Variants in SEPTIN6 observed in about 807,000 individuals in gnomAD.
The protein encoded by SEPTIN6 is septin-6.
A neutral mutation model predicts 33.6 loss-of-function variants in SEPTIN6; 8 were observed. The observed-to-expected ratio is 0.24, with a 90% confidence interval of 0.14 to 0.43. SEPTIN6 has a LOEUF of 0.43. SEPTIN6 is among the 20% of genes least tolerant of loss of function. The pLI is 1.00. For missense variants in SEPTIN6, 250 were observed against 340.8 expected, an observed-to-expected ratio of 0.73 and a Z score of 2.10; for synonymous variants, 131 against 140.0, an observed-to-expected ratio of 0.94 and a Z score of 0.45.
chrX:119,628,699 G>A (rs948645378), intron 9 of SEPTIN6: 11 of 111,136 alleles, frequency 9.9e-5, no homozygotes, highest in African/African-American at 2.9e-4. Context: ...GTAGAGATGG[G>A]GTTTCACTGT....
intron 10 of SEPTIN6, among the ~76,000 whole-genome samples, chrX:119,622,126 C>T (rs1288042067): frequency 9.0e-6 from 1 of 111,401 alleles, no homozygotes; most frequent in Non-Finnish European, 1.9e-5. Context: ...TTGTCTACTT[C>T]CTAGGGGAAG....
chrX:119,666,233 G>A (rs1325047939), intron 2 of SEPTIN6, among the ~76,000 whole-genome samples: 2 of 111,989 alleles, frequency 1.8e-5, no homozygotes, highest in African/African-American at 6.5e-5. Context: ...CCAACCCAGG[G>A]GGAATGTGAG....
chrX:119,669,147 T>TA (rs1482278773), intron 2 of SEPTIN6, among the ~76,000 whole-genome samples: 2 of 112,973 alleles, frequency 1.8e-5, no homozygotes, highest in African/African-American at 6.4e-5. Flanking sequence ...CACAAACTAG[T>TA]AAGTGGCAGA....
chrX:119,692,956 G>A (rs913565843), intron 1 of SEPTIN6, 120 bp downstream of exon 1: 4 of 732,146 alleles, frequency 5.5e-6, no homozygotes, highest in Admixed American at 2.7e-5. Context: ...AAGTCCCACC[G>A]TGCCCTTGGC....
chrX:119,663,473 C>CCAAA lies in SEPTIN6; in HGVS notation c.341+8_341+9insTTTG. On this transcript the variant is annotated intron_variant, in intron 3 of 10. Coordinates refer to ENST00000394610, the MANE Select transcript of SEPTIN6 (RefSeq NM_145799.4). ...TCCCCACCCTACCCCACCCCACCGC[C>CCAAA]TTCTTTACCTGTCCTCTTTGTTGAT... 8.6e-7 allele frequency: 1 copy of CCAAA among 1,159,561 alleles called. No individual in the cohort carries two copies.
At chrX:119,643,529 T>C (rs964258257) in intron 5 of SEPTIN6, among the ~76,000 whole-genome samples, 1 of 110,132 alleles carries the variant, frequency 9.1e-6, no homozygotes, top group South Asian at 3.8e-4. Flanking sequence ...CTCAAACTGC[T>C]GTCATTTTAT....
chrX:119,616,920 A>T (rs190551757), downstream of SEPTIN6: 98 of 1,074,098 alleles, frequency 9.1e-5, no homozygotes, highest in African/African-American at 1.7e-3. Context: ...TCTGCTGAGA[A>T]GGTTTTAAGA....
chrX:119,634,014 G>T lies in SEPTIN6; in HGVS notation c.957-522C>A, dbSNP rs780341441. Among the ~76,000 whole-genome samples, 43 of 112,074 alleles carry T rather than the reference G, an allele frequency of 3.8e-4. 1 individual carries two copies. In the South Asian group the frequency reaches 0.016, roughly 41 times the overall value. ...TCTAGAGCCAACAGCCATCATACCTGCCATCAAGGAACTCATGGTCTAGTG... is the reference window on the plus strand; with the variant it reads ...TCTAGAGCCAACAGCCATCATACCTTCCATCAAGGAACTCATGGTCTAGTG... On this transcript the variant is annotated intron_variant, in intron 7 of 10. Coordinates refer to ENST00000394610, the MANE Select transcript of SEPTIN6 (RefSeq NM_145799.4).
rs780415210 is a variant in SEPTIN6 at position 119,663,633 on chromosome X, T to C, written c.190A>G (p.Asn64Asp). The part of the protein sequence containing the change: ...GKSTLMDTLF[N>D]TKFEGEPATH... ...GCTGGCTCCCCTTCGAATTTGGTGTTGAACAGGGTGTCCATGAGGGTGGAC... is the reference window on the plus strand; with the variant it reads ...GCTGGCTCCCCTTCGAATTTGGTGTCGAACAGGGTGTCCATGAGGGTGGAC... The change falls in exon 3 of 11, where the codon AAC (asparagine) becomes GAC (aspartate). Residue 64 changes from asparagine to aspartate, a missense_variant. Transcript: ENST00000394610. The C allele has an allele frequency of 2.5e-6, 3 of 1,210,748 alleles. No homozygotes were observed. Among genetic ancestry groups the C allele is most frequent in the South Asian group, 3.5e-5 (2 of 56,673 alleles).
chrX:119,683,278 C>CAAA (rs2054996940), intron 1 of SEPTIN6, among the ~76,000 whole-genome samples: 1 of 111,614 alleles, frequency 9.0e-6, no homozygotes, highest in South Asian at 3.7e-4. Context: ...ACAACAACAA[C>CAAA]AAAAATGCTA....
chrX:119,629,396 G>A lies in SEPTIN6; in HGVS notation c.1202C>T (p.Thr401Met), dbSNP rs770681536. The A allele has an allele frequency of 2.7e-5, 33 of 1,209,729 alleles. No individual in the cohort carries two copies. Among genetic ancestry groups the A allele is most frequent in the Admixed American group, 1.8e-4 (8 of 45,692 alleles). ...CTGGGACTGGAGCAGCTCAGCCGCC[G>A]TCTTTCTTTGCTTGAAAGCATTCAC... ...DEVNAFKQRK[T>M]AAELLQSQGS... The change falls in exon 9 of 11, where the codon ACG (threonine) becomes ATG (methionine). Residue 401 changes from threonine (T) to methionine (M), a missense_variant. By Grantham distance (81) the Thr-to-Met change is moderately conservative. Around this residue, in one of 2 missense-constraint regions of SEPTIN6, gnomAD observed 139 missense variants for 227.0 expected, o/e 0.61. Transcript: ENST00000394610.
At chrX:119,620,733 G>A (rs937835120) in intron 10 of SEPTIN6, among the ~76,000 whole-genome samples, 2 of 109,311 alleles carry the variant, frequency 1.8e-5, no homozygotes, top group Admixed American at 9.8e-5. Flanking sequence ...CGATTCTCCT[G>A]CCTCAGCCTC....
At chrX:119,661,253 A>G (rs1400772335) in intron 3 of SEPTIN6, among the ~76,000 whole-genome samples, 3 of 96,926 alleles carry the variant, frequency 3.1e-5, no homozygotes, top group Non-Finnish European at 4.1e-5. Flanking sequence ...GTGAAACCCC[A>G]TCTCTACTAA....
Position 119,617,881 on chromosome X carries a change from T to C in SEPTIN6, c.*2212A>G. 1.2e-6 allele frequency: 1 copy of C among 802,575 alleles called. No homozygotes were observed. Among genetic ancestry groups the C allele is most frequent in the Non-Finnish European group, 1.5e-6 (1 of 668,287 alleles). The allele number at this position is 802,575 out of a possible 1,213,427, so 66.1% of individuals were successfully genotyped here. ...TTCTGAAGGTCTCTCCAAGGCTGTG[T>C]GGGTCTAATACTTTTGAATTATTCA... On this transcript the variant is annotated 3_prime_UTR_variant, in exon 11 of 11. Transcript: ENST00000394610.
chrX:119,617,130 G>GTGTGTGTGTT lies in SEPTIN6; in HGVS notation c.*2962_*2963insAACACACACA. On this transcript the variant is annotated 3_prime_UTR_variant, in exon 11 of 11. Coordinates refer to ENST00000394610, the MANE Select transcript of SEPTIN6 (RefSeq NM_145799.4). Reference sequence around the variant, plus strand: ...TGTGTGTGTGTGTGTGTGTGTGTGTGTGTGTGTGTGTGTGTGTGTTTCAGA... The same window carrying GTGTGTGTGTT: ...TGTGTGTGTGTGTGTGTGTGTGTGTGTGTGTGTGTTTGTGTGTGTGTGTGTGTGTTTCAGA... 1 of 814,863 alleles carries GTGTGTGTGTT rather than the reference G, an allele frequency of 1.2e-6. No homozygotes were observed. The highest frequency in any genetic ancestry group is 1.5e-6 in the Non-Finnish European group (1 of 679,260). 67.2% of individuals were successfully genotyped at this position (814,863 alleles called of 1,213,427 possible). A position where few individuals can be genotyped will look rare whatever the true frequency, so the allele number is the denominator to read the frequency against.
At position 119,652,962 on chromosome X, in the gene SEPTIN6, T is replaced by G. The variant is rs373846041; in HGVS notation, c.420A>C (p.Leu140=). ...GGATTCGGGAGTCATGGTAGGTGTG[T>G]AGCACTCTTCGGATCTTTAGCTCTT... ...LQEELKIRRV[L]HTYHDSRIHV... is the part of the protein sequence containing the mutation. Residue 140 remains leucine, a synonymous_variant, in exon 4 of 11, where the codon CTA becomes CTC. Transcript: ENST00000394610. The G allele has an allele frequency of 7.4e-5, 89 of 1,206,916 alleles. No homozygotes were observed. Among genetic ancestry groups the G allele is most frequent in the Non-Finnish European group, 9.6e-5 (86 of 893,378 alleles).
chrX:119,663,433 G>C (rs200441610), intron 3 of SEPTIN6, 49 bp downstream of exon 3: 3 of 1,042,022 alleles, frequency 2.9e-6, no homozygotes, highest in Non-Finnish European at 3.9e-6. Flanking sequence ...TCCTCTCTGC[G>C]GCCCTCTACC....
chrX:119,640,764 C>T lies in SEPTIN6; in HGVS notation c.715G>A (p.Gly239Ser). 1.7e-6 allele frequency: 2 copies of T among 1,209,943 alleles called. No individual in the cohort carries two copies. The highest frequency in any genetic ancestry group is 2.2e-6 in the Non-Finnish European group (2 of 894,196). The change falls in exon 6 of 11, where the codon GGC (glycine) becomes AGC (serine). Residue 239 changes from glycine to serine, a missense_variant. Physicochemically the swap from Gly to Ser is moderately conservative, Grantham distance 56. This residue lies in a region of SEPTIN6 where 139 missense variants were observed against 227.0 expected (regional missense o/e 0.61). Transcript: ENST00000394610. ...CCTATCTTCAGTTCTTCTGTGCTGC[C>T]AATGACAGCAAACGGCAGGTGGGCC... The part of the protein sequence containing the change: ...MNAHLPFAVI[G>S]STEELKIGNK...
intron 10 of SEPTIN6, among the ~76,000 whole-genome samples, chrX:119,621,496 T>TGTGTGTGTGTGTGTGTGTGTGTGTGTG (rs1234941843): frequency 6.8e-5 from 7 of 102,728 alleles, no homozygotes; most frequent in African/African-American, 2.2e-4. Flanking sequence ...TGTGTGTGTA[T>TGTGTGTGTGTGTGTGTGTGTGTGTGTG]TTTTATTTCT....
Sources: allele counts gnomAD v4.1 joint callset (sites outside exome capture counted in the v4.1 genomes callset), GRCh38; gene constraint gnomAD v4.1.1; regional missense constraint gnomAD v4.1.1; transcripts MANE v1.5; gene names NCBI Gene and HGNC (gene_info 2026-07-23, HGNC 2026-07-21).